CACNA2D3: variants seen among roughly 807,000 people sequenced by gnomAD.
The protein encoded by CACNA2D3 is calcium voltage-gated channel auxiliary subunit alpha2delta 3, also known as voltage-dependent calcium channel subunit alpha-2/delta-3.
In CACNA2D3, 60 loss-of-function variants were observed where a neutral mutation model predicts 160.6. The ratio of observed to expected loss-of-function variants is 0.37; its 90% CI spans 0.30 to 0.46. The LOEUF (loss-of-function observed/expected upper bound fraction) is 0.46, where lower values mean the gene tolerates loss of function less well. CACNA2D3 is among the 20% of genes least tolerant of loss of function. CACNA2D3 has a pLI of 1.00. For synonymous variants in CACNA2D3, 558 were observed against 492.9 expected (o/e 1.13, Z -1.75); for missense variants, 1,205 against 1,365.0 (o/e 0.88, Z 1.85).
chr3:54,123,792 C>T (rs908615086), intron 2 of CACNA2D3, among the ~76,000 whole-genome samples, 198 bp downstream of exon 2: 2 of 152,168 alleles, frequency 1.3e-5, no homozygotes, highest in Admixed American at 1.3e-4. Flanking sequence ...TTGATTCTAA[C>T]CACAAAGAAA....
chr3:54,771,646 A>G (rs1211304614), intron 13 of CACNA2D3, among the ~76,000 whole-genome samples: 1 of 152,144 alleles, frequency 6.6e-6, no homozygotes, highest in African/African-American at 2.4e-5. Flanking sequence ...GCCCAGCAAA[A>G]ATACATCTCT....
chr3:54,596,640 C>T (rs1702960058), intron 9 of CACNA2D3, among the ~76,000 whole-genome samples: 1 of 151,994 alleles, frequency 6.6e-6, no homozygotes, highest in Admixed American at 6.6e-5. Context: ...GCTAGTATGA[C>T]CTCTTCCCAC....
chr3:54,629,366 G>A (rs1699185459), intron 10 of CACNA2D3, among the ~76,000 whole-genome samples: 1 of 152,086 alleles, frequency 6.6e-6, no homozygotes, highest in African/African-American at 2.4e-5. Flanking sequence ...CAGCTATACT[G>A]GCCTCTCAAG....
intron 27 of CACNA2D3, chr3:54,918,604 A>G (rs1416472081): frequency 8.7e-6 from 14 of 1,613,984 alleles, no homozygotes; most frequent in East Asian, 2.2e-5. Context: ...GAGACACACA[A>G]TCCCACACAC....
At chr3:54,981,978 A>G (rs1425925598) in intron 29 of CACNA2D3, among the ~76,000 whole-genome samples, 1 of 152,202 alleles carries the variant, frequency 6.6e-6, no homozygotes, top group Non-Finnish European at 1.5e-5. Context: ...CAGGGAGGCC[A>G]GAAAAAGACT....
At chr3:54,827,903 T>G (rs1457753323) in intron 14 of CACNA2D3, among the ~76,000 whole-genome samples, 1 of 152,236 alleles carries the variant, frequency 6.6e-6, no homozygotes, top group Non-Finnish European at 1.5e-5. Flanking sequence ...CTTTCCCAGC[T>G]TCTGCCCTTG....
intron 35 of CACNA2D3, among the ~76,000 whole-genome samples, chr3:55,054,865 G>A (rs1217003891): frequency 6.6e-6 from 1 of 151,960 alleles, no homozygotes; most frequent in Non-Finnish European, 1.5e-5. Context: ...ATTACCAGTG[G>A]ATCTTCTTGT....
At chr3:54,610,432 C>T (rs1698728432) in intron 9 of CACNA2D3, among the ~76,000 whole-genome samples, 1 of 146,576 alleles carries the variant, frequency 6.8e-6, no homozygotes. Context: ...GCAGCAGAAT[C>T]ATAATGCTTT....
chr3:55,058,078 T>C (rs1164010968), intron 35 of CACNA2D3, among the ~76,000 whole-genome samples: 2 of 152,192 alleles, frequency 1.3e-5, no homozygotes, highest in Admixed American at 6.5e-5. Flanking sequence ...TCTTCAAACG[T>C]CTTCCTGGCT....
At chr3:54,647,616 G>A (rs1380166048) in intron 11 of CACNA2D3, among the ~76,000 whole-genome samples, 2 of 152,192 alleles carry the variant, frequency 1.3e-5, no homozygotes, top group African/African-American at 4.8e-5. Context: ...TTCCAAGAAA[G>A]GGAAAGCAGA....
At chr3:54,342,854 C>G (rs956735639) in intron 3 of CACNA2D3, among the ~76,000 whole-genome samples, 1 of 152,210 alleles carries the variant, frequency 6.6e-6, no homozygotes. Flanking sequence ...AGCCATAGCT[C>G]TCGGGCTGTG....
chr3:54,402,411 A>G (rs1699484825), intron 4 of CACNA2D3, among the ~76,000 whole-genome samples: 1 of 152,196 alleles, frequency 6.6e-6, no homozygotes, highest in Non-Finnish European at 1.5e-5. Flanking sequence ...TTAAGGACAC[A>G]CATAGGCTGA....
At chr3:54,346,837 C>G (rs904236031) in intron 3 of CACNA2D3, among the ~76,000 whole-genome samples, 10 of 152,200 alleles carry the variant, frequency 6.6e-5, no homozygotes, top group African/African-American at 2.4e-4. Context: ...GTGCTCTTGG[C>G]AACCTTTGAT....
rs77863533 is a variant in CACNA2D3, at chr3:54,811,493, T to A, written c.1381-5360T>A. On this transcript the variant is annotated intron_variant, in intron 13 of 37. Coordinates refer to ENST00000474759, the MANE Select transcript of CACNA2D3 (RefSeq NM_018398.3). ...TTTTTTTTTTTTTTTTTTTTTTTTTTTTTTTTTTTTTTTTTTTTTTTTGAG... is the reference window on the plus strand; with the variant it reads ...TTTTTTTTTTTTTTTTTTTTTTTTTATTTTTTTTTTTTTTTTTTTTTTGAG... 2.8e-3 allele frequency among the ~76,000 whole-genome samples: 224 copies of A among 80,706 alleles called. 12 individuals carry two copies. Among genetic ancestry groups the A allele is most frequent in the Non-Finnish European group, 3.6e-3 (122 of 33,456 alleles). 52.9% of individuals were successfully genotyped at this position (80,706 alleles called of 152,430 possible).
chr3:54,351,659 A>C (rs1211524952), intron 3 of CACNA2D3, among the ~76,000 whole-genome samples: 2 of 152,218 alleles, frequency 1.3e-5, no homozygotes, highest in Non-Finnish European at 2.9e-5. Flanking sequence ...AACTCACTGC[A>C]CCACCAAGCA....
intron 2 of CACNA2D3, among the ~76,000 whole-genome samples, chr3:54,285,838 G>C (rs916818307): frequency 7.2e-5 from 11 of 152,344 alleles, no homozygotes; most frequent in African/African-American, 2.6e-4. Context: ...TGGACCTCTA[G>C]CACACTTCAA....
At chr3:54,204,796 G>GAAAAAAAAAAAAAAAAAAAA (rs57129457) in intron 2 of CACNA2D3, among the ~76,000 whole-genome samples, 12 of 74,072 alleles carry the variant, frequency 1.6e-4, no homozygotes, top group East Asian at 6.9e-4. Context: ...ATGCTGTCTT[G>GAAAAAAAAAAAAAAAAAAAA]AAAAAAAAAA....
At chr3:55,067,501 C>G (rs1704687584) in intron 35 of CACNA2D3, among the ~76,000 whole-genome samples, 1 of 152,176 alleles carries the variant, frequency 6.6e-6, no homozygotes, top group Non-Finnish European at 1.5e-5. Flanking sequence ...TTTCAGTTTT[C>G]TCTTTTGTAA....
chr3:54,248,247 G>A (rs62252245), intron 2 of CACNA2D3, among the ~76,000 whole-genome samples: 2 of 152,232 alleles, frequency 1.3e-5, no homozygotes, highest in Middle Eastern at 3.4e-3. Context: ...TTGGGAGGCC[G>A]AGGCAGTTGG....
Sources: gnomAD v4.1 joint callset for allele counts (sites outside exome capture counted in the v4.1 genomes callset) on GRCh38, gnomAD v4.1.1 for gene constraint, MANE v1.5 for transcripts, NCBI Gene and HGNC (gene_info 2026-07-23, HGNC 2026-07-21) for gene names.